The following UPF2 variants were observed in gnomAD, a reference collection of about 807,000 sequenced individuals.
UPF2 encodes UPF2 regulator of nonsense mediated mRNA decay.
UPF2 carries 17 observed loss-of-function variants against 141.4 expected under a neutral mutation model. The observed-to-expected ratio is 0.12, with a 90% CI of 0.08 to 0.18. The LOEUF (loss-of-function observed/expected upper bound fraction) is 0.18. UPF2 is among the 10% of genes least tolerant of loss of function. UPF2 has a pLI of 1.00. For synonymous variants in UPF2, 540 were observed against 498.0 expected (o/e 1.08, Z -1.12); for missense variants, 1,152 against 1,515.9 (o/e 0.76, Z 3.99).
chr10:12,018,614 C>T (rs1248890740), intron 3 of UPF2, among the ~76,000 whole-genome samples: 1 of 151,626 alleles, frequency 6.6e-6, no homozygotes, highest in Admixed American at 6.6e-5. Context: ...TAGTTGGATG[C>T]GGTGGTGGGC....
chr10:12,034,766 T>C (rs369558637), intron 2 of UPF2, among the ~76,000 whole-genome samples: 2 of 152,248 alleles, frequency 1.3e-5, no homozygotes, highest in South Asian at 2.1e-4. Context: ...GATGGTGCCA[T>C]TGCACTCCAG....
chr10:11,957,052 T>C (rs1833163439), intron 12 of UPF2, among the ~76,000 whole-genome samples: 1 of 152,174 alleles, frequency 6.6e-6, no homozygotes, highest in Admixed American at 6.5e-5. Flanking sequence ...AACGCCGACG[T>C]CAAGTAATCC....
At chr10:12,004,174 A>G (rs1039500907) in intron 5 of UPF2, among the ~76,000 whole-genome samples, 1 of 152,182 alleles carries the variant, frequency 6.6e-6, no homozygotes, top group Non-Finnish European at 1.5e-5. Flanking sequence ...TCTAGCCTAG[A>G]AAGGGCAGTA....
At position 11,952,188 on chromosome 10, in the gene UPF2, T is replaced by C; in HGVS notation, c.2912A>G (p.Asp971Gly). The change falls in exon 15 of 22, where the codon GAT (aspartate) becomes GGT (glycine). Residue 971 changes from aspartate (D) to glycine (G), a missense_variant. Asp to Gly is a moderately conservative substitution (Grantham distance 94). Around this residue, in one of 4 missense-constraint regions of UPF2, gnomAD observed 739 missense variants for 1,032.2 expected, o/e 0.72. Coordinates refer to ENST00000357604, the MANE Select transcript of UPF2 (RefSeq NM_015542.4). ...TGTATCACTGATCATGTAATCTATA[T>C]CAATAGGAAATGGATGGTCTTTTGT... ...VWTKDHPFPIDIDYMISDTLE... is the reference protein window; with the variant it reads ...VWTKDHPFPIGIDYMISDTLE... 6.2e-7 allele frequency: 1 copy of C among 1,613,814 alleles called. No homozygotes were observed. Among genetic ancestry groups the C allele is most frequent in the Middle Eastern group, 1.7e-4 (1 of 6,056 alleles).
intron 2 of UPF2, among the ~76,000 whole-genome samples, chr10:12,032,831 C>A (rs1290173557): frequency 6.6e-6 from 1 of 151,926 alleles, no homozygotes; most frequent in East Asian, 1.9e-4. Flanking sequence ...GGCTTCTGTT[C>A]CTTATTAAAA....
At chr10:11,950,486 A>G (rs1321224904) in intron 15 of UPF2, among the ~76,000 whole-genome samples, 3 of 152,156 alleles carry the variant, frequency 2.0e-5, no homozygotes, top group Non-Finnish European at 4.4e-5. Flanking sequence ...ACAGCGATCT[A>G]TTTTTACCTC....
At chr10:11,952,743 G>A (rs1833094234) in intron 14 of UPF2, among the ~76,000 whole-genome samples, 1 of 151,842 alleles carries the variant, frequency 6.6e-6, no homozygotes, top group Admixed American at 6.6e-5. Context: ...CAAAGTGCTG[G>A]GATTACAGGT....
Position 11,948,428 on chromosome 10 carries a change from C to G in UPF2, c.3115G>C (p.Gly1039Arg). The G allele has an allele frequency of 6.2e-7, 1 of 1,612,878 alleles. No homozygotes were observed. The highest frequency in any genetic ancestry group is 8.5e-7 in the Non-Finnish European group (1 of 1,179,628). The change falls in exon 16 of 22, where the codon GGG becomes CGG. Residue 1039 changes from glycine (G) to arginine (R), a missense_variant. Around this residue, in one of 4 missense-constraint regions of UPF2, gnomAD observed 202 missense variants for 223.6 expected, o/e 0.90. Transcript: ENST00000357604. ...CCAGATTGTTCTTCTGTTTCAGCCCCACCTTCTTCTTCTTCTTCATCCTCT... is the reference window on the plus strand; with the variant it reads ...CCAGATTGTTCTTCTGTTTCAGCCCGACCTTCTTCTTCTTCTTCATCCTCT... ...LEEDEEEEEG[G>R]AETEEQSGNE...
At chr10:12,006,586 A>C (rs1199480664) in intron 4 of UPF2, among the ~76,000 whole-genome samples, 1 of 152,228 alleles carries the variant, frequency 6.6e-6, no homozygotes, top group Non-Finnish European at 1.5e-5. Flanking sequence ...CACTAAACCC[A>C]TACACCAAAA....
chr10:11,996,305 A>T (rs575421053), intron 8 of UPF2, among the ~76,000 whole-genome samples: 5 of 151,998 alleles, frequency 3.3e-5, no homozygotes, highest in African/African-American at 1.2e-4. Flanking sequence ...GCTCTAGAAT[A>T]CTTGCATCTT....
intron 18 of UPF2, 21 bp downstream of exon 18, chr10:11,942,644 G>C: frequency 6.2e-7 from 1 of 1,605,468 alleles, no homozygotes; most frequent in Non-Finnish European, 8.5e-7. Flanking sequence ...AAGAGTCTTT[G>C]AAACAAATGA....
At chr10:12,021,379 A>AATT (rs112914825) in intron 3 of UPF2, among the ~76,000 whole-genome samples, 2 of 147,148 alleles carry the variant, frequency 1.4e-5, no homozygotes. Context: ...AAAAAAAAAA[A>AATT]TTTTTTTAAA....
At chr10:12,029,965 A>C (rs1184455093) in intron 2 of UPF2, among the ~76,000 whole-genome samples, 1 of 151,766 alleles carries the variant, frequency 6.6e-6, no homozygotes, top group Non-Finnish European at 1.5e-5. Context: ...CTCAAAAAAA[A>C]AAAAACAAAA....
intron 3 of UPF2, among the ~76,000 whole-genome samples, chr10:12,017,682 A>G (rs1352283497): frequency 6.6e-6 from 1 of 152,206 alleles, no homozygotes; most frequent in Non-Finnish European, 1.5e-5. Context: ...AGTCCTCAAG[A>G]AAAGTTTAGA....
chr10:11,933,690 GTTTCT>G (rs1564335421), intron 19 of UPF2, among the ~76,000 whole-genome samples: 1 of 152,058 alleles, frequency 6.6e-6, no homozygotes, highest in African/African-American at 2.4e-5. Context: ...AAGCCCACAA[GTTTCT>G]TTTAAGTAGG....
rs1478139736 is a variant in UPF2, at chr10:11,939,172, G to A, written c.3379-2460C>T. ...GGCATTGAGCCACTGTGCCTGGCCA[G>A]CAAGTTTCTTGTCTTTCCAAGCCTC... On this transcript the variant is annotated intron_variant, in intron 18 of 21. Coordinates refer to ENST00000357604, the MANE Select transcript of UPF2 (RefSeq NM_015542.4). The surrounding 1 kb of genome is among the most constrained non-coding windows in gnomAD (Gnocchi z 4.8). Among the ~76,000 whole-genome samples the A allele has an allele frequency of 1.3e-5, 2 of 151,980 alleles. No homozygotes were observed. The highest frequency in any genetic ancestry group is 3.9e-4 in the East Asian group (2 of 5,182).
intron 9 of UPF2, among the ~76,000 whole-genome samples, chr10:11,969,394 CT>C (rs1833377704): frequency 6.6e-6 from 1 of 152,096 alleles, no homozygotes; most frequent in Non-Finnish European, 1.5e-5. Flanking sequence ...TGGTCTCGAA[CT>C]CCTGACCTCG....
intron 9 of UPF2, among the ~76,000 whole-genome samples, chr10:11,972,615 G>A (rs1359607223): frequency 2.0e-5 from 3 of 152,128 alleles, no homozygotes; most frequent in African/African-American, 7.2e-5. Flanking sequence ...TCCCACCTAT[G>A]AGTGAGAACA....
At position 11,979,141 on chromosome 10, in the gene UPF2, T is replaced by C; in HGVS notation, c.1869A>G (p.Ala623=). ...RQRLDLLPFY[A]RLVATLHPCM... is the part of the protein sequence containing the mutation. ...AGGGATGCAATGTAGCAACCAATCT[T>C]GCATAAAATGGTAGCAAATCCAACC... is the stretch of plus-strand genomic sequence containing the variant. The change falls in exon 9 of 22, where the codon GCA becomes GCG. Residue 623 remains alanine, a synonymous_variant. Transcript: ENST00000357604. This position sits in a 1 kb window ranked among gnomAD's most constrained non-coding sequence, Gnocchi z 6.2. The C allele has an allele frequency of 6.2e-7, 1 of 1,613,118 alleles. No homozygotes were observed. The highest frequency in any genetic ancestry group is 8.5e-7 in the Non-Finnish European group (1 of 1,179,378).
Sources: allele counts gnomAD v4.1 joint callset (sites outside exome capture counted in the v4.1 genomes callset), GRCh38; gene constraint gnomAD v4.1.1; regional missense constraint gnomAD v4.1.1; non-coding constraint Gnocchi (gnomAD v3.1); transcripts MANE v1.5; gene names NCBI Gene and HGNC (gene_info 2026-07-23, HGNC 2026-07-21).